MYCBP2: variants seen among roughly 807,000 people sequenced by gnomAD.
MYCBP2 encodes E3 ubiquitin-protein ligase MYCBP2.
In MYCBP2, 120 loss-of-function variants were observed where a neutral mutation model predicts 525.3. The observed-to-expected ratio is 0.23, with a 90% CI of 0.20 to 0.27. The LOEUF (loss-of-function observed/expected upper bound fraction) is 0.27, where lower values mean the gene tolerates loss of function less well. Ranked by LOEUF, MYCBP2 falls within the 10% of genes least tolerant of loss-of-function variation. The pLI is 1.00. For missense variants in MYCBP2, 4,149 were observed against 5,657.1 expected (o/e 0.73, Z 8.55); for synonymous variants, 1,894 against 1,955.8 (o/e 0.97, Z 0.83).
intron 82 of MYCBP2, among the ~76,000 whole-genome samples, chr13:77,047,961 T>G (rs901576416): frequency 5.9e-5 from 9 of 152,110 alleles, no homozygotes; most frequent in Non-Finnish European, 1.5e-5. Flanking sequence ...AGCTTTCTTC[T>G]TTTGCTTATT....
In MYCBP2 at chr13:77,243,156, G is replaced by T; in HGVS notation, c.2532C>A (p.Val844=). 2 of 1,613,708 alleles carry T rather than the reference G, an allele frequency of 1.2e-6. No homozygotes were observed. Among genetic ancestry groups the T allele is most frequent in the Non-Finnish European group, 1.7e-6 (2 of 1,179,716 alleles). ...CTTCAATGTTAACCCCGGGCACTGGGACAGCTAGATGATTGGCCAAAAACA... is the reference window on the plus strand; with the variant it reads ...CTTCAATGTTAACCCCGGGCACTGGTACAGCTAGATGATTGGCCAAAAACA... ...EMIPLDLLLA[V]PVPGVNIEEH... Residue 844 remains valine (V), a synonymous_variant, in exon 17 of 83, where the codon GTC becomes GTA. Coordinates refer to ENST00000544440, the MANE Select transcript of MYCBP2 (RefSeq NM_015057.5).
At chr13:77,124,632 G>C (rs922124829) in intron 54 of MYCBP2, among the ~76,000 whole-genome samples, 1 of 152,120 alleles carries the variant, frequency 6.6e-6, no homozygotes, top group African/African-American at 2.4e-5. Flanking sequence ...TCATAACTGG[G>C]TATGAAGAAA....
chr13:77,271,310 C>G lies in MYCBP2; in HGVS notation c.946-772G>C, dbSNP rs183764659. On this transcript the variant is annotated intron_variant, in intron 5 of 82. Coordinates refer to ENST00000544440, the MANE Select transcript of MYCBP2 (RefSeq NM_015057.5). ...TAAATAGTGTTTTATTTGCAGAAAG[C>G]CTTTGAAGTCAAGAGTTCAACCCTC... is the stretch of plus-strand genomic sequence containing the variant. Among the ~76,000 whole-genome samples the G allele has an allele frequency of 8.5e-5, 13 of 152,142 alleles. No homozygotes were observed. The East Asian group carries it at 2.5e-3, about 29-fold the overall frequency.
rs1252401944 is a variant in MYCBP2, at chr13:77,098,416, C to G, written c.8738G>C (p.Gly2913Ala). 6.2e-7 allele frequency: 1 copy of G among 1,613,474 alleles called. No homozygotes were observed. The highest frequency in any genetic ancestry group is 1.3e-5 in the African/African-American group (1 of 74,842). ...GGGAGAGGGAGCTCTATTTTCAGAT[C>G]CAGGGGAATCTGTAGAATCCTTTGG... ...SVPKDSTDSPGSENRAPSPHV... is the reference protein window; with the variant it reads ...SVPKDSTDSPASENRAPSPHV... The change falls in exon 56 of 83, where the codon GGA becomes GCA. Residue 2913 changes from glycine (G) to alanine (A), a missense_variant. By Grantham distance (60) the Gly-to-Ala change is moderately conservative. Around this residue, in one of 21 missense-constraint regions of MYCBP2, gnomAD observed 653 missense variants for 744.7 expected, o/e 0.88. Transcript: ENST00000544440.
At chr13:77,056,923 T>C in intron 79 of MYCBP2, 63 bp downstream of exon 79, 2 of 1,293,228 alleles carry the variant, frequency 1.5e-6, no homozygotes, top group Admixed American at 1.7e-5. Flanking sequence ...TATGTTTATT[T>C]TGAAAGGTGA....
At chr13:77,210,031 T>C (rs1359397299) in intron 23 of MYCBP2, among the ~76,000 whole-genome samples, 3 of 152,082 alleles carry the variant, frequency 2.0e-5, no homozygotes, top group Non-Finnish European at 4.4e-5. Flanking sequence ...TTCAACTTAC[T>C]GGAATCTTGC....
chr13:77,270,652 A>G, intron 5 of MYCBP2, 114 bp from the exon 6 acceptor site: 2 of 1,121,724 alleles, frequency 1.8e-6, no homozygotes, highest in Admixed American at 2.9e-5. Context: ...GTTCAGAATG[A>G]TATTTCGCAT....
chr13:77,228,029 G>T (rs1489764026), intron 18 of MYCBP2, among the ~76,000 whole-genome samples: 1 of 151,918 alleles, frequency 6.6e-6, no homozygotes. Context: ...TTTATCAGCA[G>T]CAGTGGCAGA....
chr13:77,309,122 T>G (rs1340569288), intron 1 of MYCBP2, among the ~76,000 whole-genome samples: 2 of 152,240 alleles, frequency 1.3e-5, no homozygotes, highest in Non-Finnish European at 1.5e-5. Flanking sequence ...ACTGCCTTCC[T>G]TCTTGCCCTT....
intron 55 of MYCBP2, among the ~76,000 whole-genome samples, chr13:77,102,445 C>A (rs1169036057): frequency 6.6e-6 from 1 of 151,266 alleles, no homozygotes; most frequent in Admixed American, 6.6e-5. Context: ...TGTAAAAGTT[C>A]TTTTTGATAA....
chr13:77,283,729 T>C (rs2076439783), intron 3 of MYCBP2, among the ~76,000 whole-genome samples: 1 of 152,036 alleles, frequency 6.6e-6, no homozygotes, highest in Non-Finnish European at 1.5e-5. Flanking sequence ...AAACCCCATC[T>C]CTACTAAAAA....
chr13:77,169,664 G>T lies in MYCBP2; in HGVS notation c.5845C>A (p.Leu1949Ile). The T allele has an allele frequency of 1.9e-6, 3 of 1,614,006 alleles. No individual in the cohort carries two copies. Among genetic ancestry groups the T allele is most frequent in the Non-Finnish European group, 2.5e-6 (3 of 1,179,994 alleles). ...LSSSSLFSML[L>I]PLIIAYIGPV... ...CCTATGTAGGCTATAATAAGGGGGA[G>T]CAGCATGGAAAACAGACTGGAAGAA... The change falls in exon 39 of 83, where the codon CTC becomes ATC. Residue 1949 changes from leucine (L) to isoleucine (I), a missense_variant. Physicochemically the swap from Leu to Ile is conservative, Grantham distance 5 (BLOSUM62 2). This residue lies in a region of MYCBP2 where 692 missense variants were observed against 852.7 expected (regional missense o/e 0.81). Coordinates refer to ENST00000544440, the MANE Select transcript of MYCBP2 (RefSeq NM_015057.5).
At position 77,326,778 on chromosome 13, in the gene MYCBP2, T is replaced by TCGCCGC. The variant is rs754197897; in HGVS notation, c.-9_-4dup. The TCGCCGC allele has an allele frequency of 2.2e-3, 3,095 of 1,400,756 alleles. 10 individuals carry two copies. The highest frequency in any genetic ancestry group is 2.2e-3 in the Non-Finnish European group (2,435 of 1,090,130). 86.8% of individuals were successfully genotyped at this position (1,400,756 alleles called of 1,614,324 possible). ...GCAGTCGCTGCGCACATCATCATCC[T>TCGCCGC]CGCCGCCGCCGCCGCCGCCGCCGCC... is the stretch of plus-strand genomic sequence containing the variant. On this transcript the variant is annotated 5_prime_UTR_variant, in exon 1 of 83. Transcript: ENST00000544440. The surrounding 1 kb of genome is among the most constrained non-coding windows in gnomAD (Gnocchi z 4.2).
intron 31 of MYCBP2, 109 bp downstream of exon 31, chr13:77,185,762 G>T: frequency 1.3e-6 from 1 of 758,178 alleles, no homozygotes; most frequent in Non-Finnish European, 2.0e-6. Context: ...CATTTTAGAA[G>T]CAGCTTAAAT....
At chr13:77,133,594 A>G (rs931387227) in intron 52 of MYCBP2, among the ~76,000 whole-genome samples, 1 of 152,200 alleles carries the variant, frequency 6.6e-6, no homozygotes, top group African/African-American at 2.4e-5. Flanking sequence ...AGCTGGAGAA[A>G]GAAGTAAGCC....
chr13:77,061,059 T>C (rs1169344164), intron 76 of MYCBP2, 110 bp downstream of exon 76: 2 of 1,159,084 alleles, frequency 1.7e-6, no homozygotes, highest in Admixed American at 2.7e-5. Flanking sequence ...AATGATGTCA[T>C]AATTAAACAT....
At position 77,067,775 on chromosome 13, in the gene MYCBP2, A is replaced by G; in HGVS notation, c.12261T>C (p.Asp4087=). The G allele has an allele frequency of 3.1e-6, 5 of 1,614,098 alleles. No individual in the cohort carries two copies. Among genetic ancestry groups the G allele is most frequent in the Non-Finnish European group, 4.2e-6 (5 of 1,179,986 alleles). The stretch of plus-strand genomic sequence containing the variant: ...CTGTTGAGTGAATGATATCACTGAT[A>G]TCTGCTGGGGGGAGGGATTTCACTC... ...IIGVKSLPPA[D]ISDIIHSTEK... Residue 4087 remains aspartate (D), a synonymous_variant, in exon 71 of 83, where the codon GAT becomes GAC. Transcript: ENST00000544440.
Position 77,191,775 on chromosome 13 carries a change from A to G in MYCBP2, c.3974T>C (p.Leu1325Pro). The change falls in exon 28 of 83, where the codon CTG becomes CCG. Residue 1325 changes from leucine (L) to proline (P), a missense_variant. Physicochemically the swap from Leu to Pro is moderately conservative, Grantham distance 98 (BLOSUM62 -3). This residue lies in a region of MYCBP2 where 620 missense variants were observed against 795.5 expected (regional missense o/e 0.78). Transcript: ENST00000544440. ...YAMMFDEPVLLQAGWWYVAWA... is the reference protein window; with the variant it reads ...YAMMFDEPVLPQAGWWYVAWA... Reference sequence around the variant, plus strand: ...TGCCACATACCACCACCCAGCTTGCAGGAGAACAGGCTCATCAAACATCAT... The same window carrying G: ...TGCCACATACCACCACCCAGCTTGCGGGAGAACAGGCTCATCAAACATCAT... The G allele has an allele frequency of 6.2e-7, 1 of 1,614,116 alleles. No individual in the cohort carries two copies. The highest frequency in any genetic ancestry group is 8.5e-7 in the Non-Finnish European group (1 of 1,180,008).
chr13:77,161,964 TA>T lies in MYCBP2; in HGVS notation c.6548-10del. 1 of 1,587,630 alleles carries T rather than the reference TA, an allele frequency of 6.3e-7. No homozygotes were observed. Among genetic ancestry groups the T allele is most frequent in the Non-Finnish European group, 8.6e-7 (1 of 1,161,586 alleles). On this transcript the variant is annotated splice_polypyrimidine_tract_variant and intron_variant, in intron 43 of 82. Transcript: ENST00000544440. The stretch of plus-strand genomic sequence containing the variant: ...TTCTTCTAATTCATTACCTGTTGTG[TA>T]AATAAAGAGTTTTACTAAAATATGT...
Sources: allele counts gnomAD v4.1 joint callset (sites outside exome capture counted in the v4.1 genomes callset), GRCh38; gene constraint gnomAD v4.1.1; regional missense constraint gnomAD v4.1.1; non-coding constraint Gnocchi (gnomAD v3.1); transcripts MANE v1.5; gene names NCBI Gene and HGNC (gene_info 2026-07-23, HGNC 2026-07-21).